EPHB1: variants seen among roughly 807,000 people sequenced by gnomAD.
The protein encoded by EPHB1 is EPH receptor B1.
A neutral mutation model predicts 94.4 loss-of-function variants in EPHB1; 30 were observed. The observed-to-expected ratio is 0.32, with a 90% CI of 0.24 to 0.43. EPHB1 has a LOEUF of 0.43. EPHB1 is among the 20% of genes least tolerant of loss of function. The pLI is 1.00. For missense variants in EPHB1, 1,055 were observed against 1,308.3 expected (o/e 0.81, Z 2.99); for synonymous variants, 522 against 489.1 (o/e 1.07, Z -0.89).
intron 8 of EPHB1, among the ~76,000 whole-genome samples, chr3:135,166,708 G>A (rs908892557): frequency 6.6e-6 from 1 of 152,178 alleles, no homozygotes; most frequent in Non-Finnish European, 1.5e-5. Flanking sequence ...CCACAGTCCC[G>A]CCAGGCTTCT....
chr3:135,019,851 C>A (rs1250858614), intron 3 of EPHB1, among the ~76,000 whole-genome samples: 4 of 152,182 alleles, frequency 2.6e-5, no homozygotes, highest in Non-Finnish European at 5.9e-5. Context: ...ATGTTGTGAA[C>A]AACTTCATTC....
chr3:134,809,998 C>T (rs181518401), intron 1 of EPHB1, among the ~76,000 whole-genome samples: 1 of 152,302 alleles, frequency 6.6e-6, no homozygotes, highest in African/African-American at 2.4e-5. Flanking sequence ...GATGAGAGCT[C>T]AGGGCACTGC....
intron 3 of EPHB1, among the ~76,000 whole-genome samples, chr3:135,081,079 C>T (rs776227247): frequency 9.2e-5 from 14 of 151,982 alleles, no homozygotes; most frequent in Non-Finnish European, 1.5e-5. Flanking sequence ...TCTAGAGACA[C>T]GAGGAGAATC....
chr3:135,209,116 A>G (rs1942972475), intron 12 of EPHB1, among the ~76,000 whole-genome samples: 1 of 152,250 alleles, frequency 6.6e-6, no homozygotes, highest in Admixed American at 6.5e-5. Flanking sequence ...TTGAGTCCAC[A>G]CTAATATGCA....
intron 3 of EPHB1, among the ~76,000 whole-genome samples, chr3:135,018,262 C>T (rs1422395886): frequency 1.3e-5 from 2 of 152,130 alleles, no homozygotes; most frequent in African/African-American, 2.4e-5. Flanking sequence ...AGATCATGTG[C>T]TGACAAGTGG....
At chr3:135,151,624 A>G (rs770518284) in intron 5 of EPHB1, among the ~76,000 whole-genome samples, 6 of 152,208 alleles carry the variant, frequency 3.9e-5, no homozygotes, top group Admixed American at 6.5e-5. Context: ...TTTGTTCACT[A>G]TGGTGCCTCT....
chr3:135,060,068 C>A (rs1937450904), intron 3 of EPHB1, among the ~76,000 whole-genome samples: 1 of 152,246 alleles, frequency 6.6e-6, no homozygotes. Context: ...AAAATTCACT[C>A]TGTAAATTGC....
intron 3 of EPHB1, among the ~76,000 whole-genome samples, chr3:134,957,735 G>C (rs772609404): frequency 2.0e-5 from 3 of 152,166 alleles, no homozygotes; most frequent in Non-Finnish European, 4.4e-5. Flanking sequence ...AAGAATGCCA[G>C]GGGTACCACT....
intron 3 of EPHB1, among the ~76,000 whole-genome samples, chr3:135,056,993 G>T (rs138407020): frequency 3.5e-4 from 54 of 152,286 alleles, no homozygotes; most frequent in African/African-American, 1.2e-3. Flanking sequence ...ATGCAGAGTG[G>T]CAGTATGGAG....
chr3:135,166,128 A>G, intron 8 of EPHB1, 52 bp downstream of exon 8: 1 of 1,408,574 alleles, frequency 7.1e-7, no homozygotes, highest in Non-Finnish European at 1.0e-6. Flanking sequence ...GCCCCTCTCC[A>G]TGTGCCGTTT....
intron 5 of EPHB1, among the ~76,000 whole-genome samples, chr3:135,146,712 C>T (rs567903868): frequency 1.3e-4 from 20 of 152,378 alleles, no homozygotes; most frequent in Non-Finnish European, 1.5e-4. Context: ...GTATCTATCA[C>T]ATCCACCATG....
intron 3 of EPHB1, among the ~76,000 whole-genome samples, chr3:135,015,672 G>T (rs1198160807): frequency 6.6e-6 from 1 of 152,176 alleles, no homozygotes; most frequent in African/African-American, 2.4e-5. Context: ...ACTATGAAAA[G>T]GTGGCACAGA....
At chr3:135,253,525 A>T (rs1933224361) in intron 15 of EPHB1, among the ~76,000 whole-genome samples, 2 of 151,768 alleles carry the variant, frequency 1.3e-5, no homozygotes, top group Admixed American at 1.3e-4. Flanking sequence ...ATAGTCGTAG[A>T]TATGCGGCAT....
intron 3 of EPHB1, among the ~76,000 whole-genome samples, chr3:135,077,910 T>A (rs1257451264): frequency 6.6e-6 from 1 of 152,246 alleles, no homozygotes; most frequent in Non-Finnish European, 1.5e-5. Context: ...CTTCCATGTA[T>A]AAACAGCCCT....
rs1242845908 is a variant in EPHB1 at position 134,925,964 on chromosome 3, G to T, written c.123+84G>T. 5 of 1,232,782 alleles carry T rather than the reference G, an allele frequency of 4.1e-6. No individual in the cohort carries two copies. The African/African-American group carries it at 6.1e-5, about 15-fold the overall frequency. 76.4% of individuals were successfully genotyped at this position (1,232,782 alleles called of 1,614,324 possible). ...TCTAGGGGAGTAGAGACTACCCAGAGCAGTACCTGTGGGGAATGGAATACA... is the reference window on the plus strand; with the variant it reads ...TCTAGGGGAGTAGAGACTACCCAGATCAGTACCTGTGGGGAATGGAATACA... On this transcript the variant is annotated intron_variant, in intron 2 of 15. Transcript: ENST00000398015.
chr3:135,251,222 T>C (rs749332764), intron 15 of EPHB1, among the ~76,000 whole-genome samples: 4 of 152,150 alleles, frequency 2.6e-5, no homozygotes, highest in South Asian at 2.1e-4. Context: ...GACTGTCAAA[T>C]AGACAGCAAA....
chr3:134,797,568 C>T (rs1162378245), intron 1 of EPHB1, among the ~76,000 whole-genome samples: 1 of 152,118 alleles, frequency 6.6e-6, no homozygotes. Context: ...TGCATGCAAG[C>T]GAAGTAGTTT....
intron 1 of EPHB1, among the ~76,000 whole-genome samples, chr3:134,835,250 T>A (rs983251346): frequency 1.9e-4 from 29 of 152,146 alleles, no homozygotes; most frequent in African/African-American, 7.0e-4. Flanking sequence ...TTGGAGGTGG[T>A]GGAAACTCCA....
At chr3:135,089,935 T>C (rs1204933250) in intron 3 of EPHB1, among the ~76,000 whole-genome samples, 2 of 152,242 alleles carry the variant, frequency 1.3e-5, no homozygotes, top group Non-Finnish European at 2.9e-5. Context: ...GTGCTAAGTG[T>C]ATCCTTAACA....
Sources: gnomAD v4.1 joint callset for allele counts (sites outside exome capture counted in the v4.1 genomes callset) on GRCh38, gnomAD v4.1.1 for gene constraint, MANE v1.5 for transcripts, NCBI Gene and HGNC (gene_info 2026-07-23, HGNC 2026-07-21) for gene names.